Variants in GALNT15 observed in about 807,000 individuals in gnomAD.
The protein encoded by GALNT15 is polypeptide N-acetylgalactosaminyltransferase 15.
GALNT15 carries 67 observed loss-of-function variants against 66.8 expected under a neutral mutation model. The ratio of observed to expected loss-of-function variants is 1.00; its 90% CI spans 0.82 to 1.23. GALNT15 has a LOEUF of 1.23. GALNT15 is among the 50% of genes most tolerant of loss of function. GALNT15 has a pLI of 0.00. For missense variants in GALNT15, 827 were observed against 804.3 expected (o/e 1.03, Z -0.34); for synonymous variants, 313 against 311.5 (o/e 1.00, Z -0.05).
chr3:16,192,668 A>T (rs990321874), intron 1 of GALNT15, among the ~76,000 whole-genome samples: 1 of 152,202 alleles, frequency 6.6e-6, no homozygotes, highest in African/African-American at 2.4e-5. Context: ...CCACCAGGGG[A>T]GAAGGGGAGA....
chr3:16,181,539 C>T lies in GALNT15; in HGVS notation c.539+5849C>T, dbSNP rs1323059933. Among the ~76,000 whole-genome samples, 3 of 152,056 alleles carry T rather than the reference C, an allele frequency of 2.0e-5. No homozygotes were observed. The highest frequency in any genetic ancestry group is 2.9e-5 in the Non-Finnish European group (2 of 68,020). On this transcript the variant is annotated intron_variant, in intron 1 of 9. Coordinates refer to ENST00000339732, the MANE Select transcript of GALNT15 (RefSeq NM_054110.5). This position sits in a 1 kb window ranked among gnomAD's most constrained non-coding sequence, Gnocchi z 5.9. ...AAGTAGAAGATGGTGTTGCAATCCA[C>T]GCGGGGTCCACTCAGTTCCCTGTGA...
chr3:16,238,495 C>A, the GALNT15 span, among the ~76,000 whole-genome samples: 2 of 151,844 alleles, frequency 1.3e-5, no homozygotes, highest in African/African-American at 4.8e-5. This position sits in a 1 kb window ranked among gnomAD's most constrained non-coding sequence, Gnocchi z 4.8. Context: ...AACAACATTG[C>A]AATAGTTGTT....
intron 6 of GALNT15, among the ~76,000 whole-genome samples, chr3:16,215,953 G>A (rs1195451316): frequency 2.0e-5 from 3 of 148,768 alleles, no homozygotes; most frequent in East Asian, 2.0e-4. Context: ...AGAAGAAGGC[G>A]CTCAATAAAT....
chr3:16,201,845 C>T (rs533538540), intron 3 of GALNT15, among the ~76,000 whole-genome samples: 2 of 152,210 alleles, frequency 1.3e-5, no homozygotes, highest in Non-Finnish European at 2.9e-5. Context: ...ATCTGAATAT[C>T]CTACCCAGGA....
At position 16,211,465 on chromosome 3, in the gene GALNT15, A is replaced by G. The variant is rs1359567417; in HGVS notation, c.1197+224A>G. Among the ~76,000 whole-genome samples the G allele has an allele frequency of 1.3e-5, 2 of 152,212 alleles. No individual in the cohort carries two copies. The highest frequency in any genetic ancestry group is 2.9e-5 in the Non-Finnish European group (2 of 68,032). The stretch of plus-strand genomic sequence containing the variant: ...CTCAGTGCCTTCAAAACCTGCTTCC[A>G]GGAATAGGCATACTCTCAGTTATTT... On this transcript the variant is annotated intron_variant, in intron 5 of 9. Transcript: ENST00000339732. This position sits in a 1 kb window ranked among gnomAD's most constrained non-coding sequence, Gnocchi z 4.3.
chr3:16,243,279 C>T, the GALNT15 span, among the ~76,000 whole-genome samples: 2 of 152,314 alleles, frequency 1.3e-5, no homozygotes, highest in South Asian at 2.1e-4. Flanking sequence ...CATGGAAGTT[C>T]GGCCAGAGCT....
rs891459758 is a variant in GALNT15, at chr3:16,209,663, C to CA, written c.1079+1002dup. On this transcript the variant is annotated intron_variant, in intron 4 of 9. Transcript: ENST00000339732. The surrounding 1 kb of genome is among the most constrained non-coding windows in gnomAD (Gnocchi z 4.1). Reference sequence around the variant, plus strand: ...CGAAACCCCATCTCTACTAAAATTACAAAAAAAAATTAGCTGGGCATGGTA... The same window carrying CA: ...CGAAACCCCATCTCTACTAAAATTACAAAAAAAAAATTAGCTGGGCATGGTA... 2.0e-5 allele frequency among the ~76,000 whole-genome samples: 3 copies of CA among 151,096 alleles called. No homozygotes were observed. Among genetic ancestry groups the CA allele is most frequent in the Admixed American group, 6.6e-5 (1 of 15,174 alleles).
chr3:16,190,432 A>C (rs1421456166), intron 1 of GALNT15, among the ~76,000 whole-genome samples: 1 of 152,120 alleles, frequency 6.6e-6, no homozygotes, highest in African/African-American at 2.4e-5. Flanking sequence ...AGGTCAGGAG[A>C]TCGAGACCAT....
At chr3:16,239,544 C>G in the GALNT15 span, among the ~76,000 whole-genome samples, 21 of 152,312 alleles carry the variant, frequency 1.4e-4, no homozygotes, top group Admixed American at 1.2e-3. The surrounding 1 kb of genome is among the most constrained non-coding windows in gnomAD (Gnocchi z 5.2). Flanking sequence ...AGAAGCAGCT[C>G]CGTGTACTCA....
chr3:16,247,912 C>T, the GALNT15 span, among the ~76,000 whole-genome samples: 22 of 152,294 alleles, frequency 1.4e-4, no homozygotes, highest in South Asian at 4.1e-3. Context: ...GTCCCAGGAA[C>T]GAAGTGGCAT....
chr3:16,196,027 A>T, intron 2 of GALNT15, 101 bp downstream of exon 2: 4 of 1,199,022 alleles, frequency 3.3e-6, no homozygotes, highest in Non-Finnish European at 4.7e-6. Context: ...TTTAGGCAAG[A>T]TTCCCCAACT....
At chr3:16,198,785 G>T (rs2063667108) in intron 2 of GALNT15, among the ~76,000 whole-genome samples, 1 of 141,618 alleles carries the variant, frequency 7.1e-6, no homozygotes, top group South Asian at 2.3e-4. Context: ...AAAATCCATG[G>T]TGCTTAGAAG....
At position 16,209,367 on chromosome 3, in the gene GALNT15, G is replaced by A. The variant is rs1189799843; in HGVS notation, c.1079+697G>A. Among the ~76,000 whole-genome samples, 1 of 152,180 alleles carries A rather than the reference G, an allele frequency of 6.6e-6. No homozygotes were observed. The highest frequency in any genetic ancestry group is 2.4e-5 in the African/African-American group (1 of 41,446). ...TTTTAAAGTTTCCCAACACTATAAA[G>A]CCAGTGAGAGGTGAATCCAGAATTT... On this transcript the variant is annotated intron_variant, in intron 4 of 9. Coordinates refer to ENST00000339732, the MANE Select transcript of GALNT15 (RefSeq NM_054110.5). This position sits in a 1 kb window ranked among gnomAD's most constrained non-coding sequence, Gnocchi z 4.1.
intron 6 of GALNT15, among the ~76,000 whole-genome samples, chr3:16,213,456 A>AAAAT (rs2124889520): frequency 6.6e-6 from 1 of 151,220 alleles, no homozygotes; most frequent in African/African-American, 2.4e-5. Flanking sequence ...CCATCTCAAA[A>AAAAT]AAAAAAAAAA....
At chr3:16,222,849 A>AATACCTGACCTCTT in intron 9 of GALNT15, 91 bp downstream of exon 9, 2 of 1,429,308 alleles carry the variant, frequency 1.4e-6, no homozygotes, top group Non-Finnish European at 1.9e-6. Context: ...CCAAGAGGTC[A>AATACCTGACCTCTT]GGTATTAGGG....
intron 1 of GALNT15, among the ~76,000 whole-genome samples, chr3:16,192,525 C>T (rs561994823): frequency 6.6e-6 from 1 of 152,278 alleles, no homozygotes; most frequent in South Asian, 2.1e-4. Flanking sequence ...TCACAGCCAC[C>T]AGTCCCTGTC....
At chr3:16,233,002 T>C (rs1044179583), downstream of GALNT15, among the ~76,000 whole-genome samples, 1 of 151,808 alleles carries the variant, frequency 6.6e-6, no homozygotes, top group Non-Finnish European at 1.5e-5. Context: ...CCTCACTGGA[T>C]GAGTTCTTGG....
chr3:16,223,566 A>G (rs1446110186), intron 9 of GALNT15, among the ~76,000 whole-genome samples: 2 of 152,254 alleles, frequency 1.3e-5, no homozygotes, highest in East Asian at 3.8e-4. Context: ...AGGCTGTGAA[A>G]GAAGAAAATC....
chr3:16,231,770 CT>C, downstream of GALNT15: 1 of 1,517,188 alleles, frequency 6.6e-7, no homozygotes. The surrounding 1 kb of genome is among the most constrained non-coding windows in gnomAD (Gnocchi z 4.1). Context: ...CTCTCTCTCC[CT>C]CCCTCTCTCC....
Sources: gnomAD v4.1 joint callset for allele counts (sites outside exome capture counted in the v4.1 genomes callset) on GRCh38, gnomAD v4.1.1 for gene constraint, Gnocchi (gnomAD v3.1) non-coding constraint, MANE v1.5 for transcripts, NCBI Gene and HGNC (gene_info 2026-07-23, HGNC 2026-07-21) for gene names.